The following NEO1 variants were observed in gnomAD, a reference collection of about 807,000 sequenced individuals.
NEO1 encodes the protein neogenin 1.
A neutral mutation model predicts 159.7 loss-of-function variants in NEO1; 63 were observed. The ratio of observed to expected loss-of-function variants is 0.39; its 90% confidence interval spans 0.32 to 0.49. The LOEUF is 0.49. NEO1 is among the 20% of genes least tolerant of loss of function. NEO1 has a pLI of 0.85. For missense variants in NEO1, 1,615 were observed against 1,831.0 expected (o/e 0.88, Z 2.15); for synonymous variants, 633 against 662.0 (o/e 0.96, Z 0.67).
Position 73,302,865 on chromosome 15 carries a change from C to G in NEO1, c.*169C>G. The G allele has an allele frequency of 1.7e-6, 1 of 589,280 alleles. No homozygotes were observed. The highest frequency in any genetic ancestry group is 3.0e-6 in the Non-Finnish European group (1 of 331,672). 36.5% of individuals were successfully genotyped at this position (589,280 alleles called of 1,614,324 possible). On this transcript the variant is annotated 3_prime_UTR_variant, in exon 29 of 29. Transcript: ENST00000261908. ...GGCTGGCTCCAGGCATGGCCACCTG[C>G]CTTCCCCTGGTCAGCCTGGAAGAAG...
At chr15:73,132,610 G>A (rs2031270697) in intron 4 of NEO1, among the ~76,000 whole-genome samples, 3 of 152,224 alleles carry the variant, frequency 2.0e-5, no homozygotes, top group Middle Eastern at 3.4e-3. Flanking sequence ...CCCAGAGCTC[G>A]GGAGAAAAGC....
At position 73,136,032 on chromosome 15, in the gene NEO1, G is replaced by A. The variant is rs369404550; in HGVS notation, c.1015+5G>A. Reference sequence around the variant, plus strand: ...AAGCAGAGCTTACAGTGCAAGGTATGTAAATATTTACTGTATAATTTAAAA... The same window carrying A: ...AAGCAGAGCTTACAGTGCAAGGTATATAAATATTTACTGTATAATTTAAAA... On this transcript the variant is annotated splice_donor_5th_base_variant and intron_variant, in intron 5 of 28. Coordinates refer to ENST00000261908, the MANE Select transcript of NEO1 (RefSeq NM_002499.4). 1.8e-5 allele frequency: 28 copies of A among 1,589,448 alleles called. No homozygotes were observed. Among genetic ancestry groups the A allele is most frequent in the Non-Finnish European group, 8.5e-7 (1 of 1,172,578 alleles).
At chr15:73,097,747 C>G (rs1192861042) in intron 1 of NEO1, among the ~76,000 whole-genome samples, 3 of 130,354 alleles carry the variant, frequency 2.3e-5, no homozygotes, top group African/African-American at 9.1e-5. Context: ...ATATTCATCT[C>G]ATTTTCTAAT....
intron 25 of NEO1, among the ~76,000 whole-genome samples, chr15:73,289,872 C>A (rs2042094672): frequency 6.6e-6 from 1 of 152,124 alleles, no homozygotes; most frequent in Non-Finnish European, 1.5e-5. Flanking sequence ...ATCACTTGAA[C>A]CTGGGAAGCA....
intron 5 of NEO1, among the ~76,000 whole-genome samples, chr15:73,147,570 A>G (rs1260134054): frequency 1.3e-5 from 2 of 152,096 alleles, no homozygotes; most frequent in African/African-American, 4.8e-5. Context: ...TTCATTCTTT[A>G]TTTAAAGAGC....
upstream of NEO1, among the ~76,000 whole-genome samples, chr15:73,052,310 C>T (rs1163657923): frequency 1.4e-5 from 2 of 145,134 alleles, no homozygotes; most frequent in Non-Finnish European, 3.1e-5. Flanking sequence ...CCCGCCCCCG[C>T]CCCCGCCCCC....
In NEO1 at chr15:73,141,931, G is replaced by A. The variant is rs1567298845; in HGVS notation, c.1015+5904G>A. Among the ~76,000 whole-genome samples the A allele has an allele frequency of 2.6e-5, 4 of 152,180 alleles. No individual in the cohort carries two copies. The South Asian group carries it at 6.2e-4, about 24-fold the overall frequency. On this transcript the variant is annotated intron_variant, in intron 5 of 28. Transcript: ENST00000261908. ...GTTGGCTTTTTCAGCGTTAACTGGA[G>A]AGGCACCACAGAGGAGTGATTGAGA...
In NEO1 at chr15:73,236,454, C is replaced by T. The variant is rs1370093156; in HGVS notation, c.1399C>T (p.His467Tyr). ...GTGGCGGACACCTGCATCAGATCCTCACGGAGACAACCTTACCTACTCTGT... is the reference window on the plus strand; with the variant it reads ...GTGGCGGACACCTGCATCAGATCCTTACGGAGACAACCTTACCTACTCTGT... ...LTWRTPASDPHGDNLTYSVFY... is the reference protein window; with the variant it reads ...LTWRTPASDPYGDNLTYSVFY... The change falls in exon 8 of 29, where the codon CAC becomes TAC. Residue 467 changes from histidine (H) to tyrosine (Y), a missense_variant. By Grantham distance (83) the His-to-Tyr change is moderately conservative. This residue lies in a region of NEO1 where 1,018 missense variants were observed against 1,115.4 expected (regional missense o/e 0.91). Transcript: ENST00000261908. 1.2e-6 allele frequency: 2 copies of T among 1,614,156 alleles called. No homozygotes were observed. Among genetic ancestry groups the T allele is most frequent in the South Asian group, 1.1e-5 (1 of 91,082 alleles).
chr15:73,301,548 C>G (rs2042614798), intron 28 of NEO1, 91 bp downstream of exon 28: 2 of 1,531,774 alleles, frequency 1.3e-6, no homozygotes, highest in Non-Finnish European at 8.9e-7. Context: ...TCTGTGCATA[C>G]CAGGCCCGCC....
At chr15:73,117,512 T>C (rs551540793) in intron 2 of NEO1, among the ~76,000 whole-genome samples, 2 of 152,306 alleles carry the variant, frequency 1.3e-5, no homozygotes, top group East Asian at 1.9e-4. Context: ...GAGTACCAGA[T>C]GAAATAGTTT....
intron 9 of NEO1, among the ~76,000 whole-genome samples, chr15:73,247,352 CT>C (rs1315904982): frequency 7.9e-5 from 12 of 152,164 alleles, no homozygotes; most frequent in Non-Finnish European, 1.8e-4. Context: ...TCATTAGCAC[CT>C]TTTTTAGGAT....
In NEO1 at chr15:73,218,808, C is replaced by T. The variant is rs542864531; in HGVS notation, c.1292-17539C>T. On this transcript the variant is annotated intron_variant, in intron 7 of 28. Coordinates refer to ENST00000261908, the MANE Select transcript of NEO1 (RefSeq NM_002499.4). ...CATTTTTTATTGTGTCTATTTGATT[C>T]TTCTCTCTTTTTTTATTAGTCTTGC... Among the ~76,000 whole-genome samples the T allele has an allele frequency of 1.3e-4, 20 of 151,738 alleles. No individual in the cohort carries two copies. In the East Asian group the frequency reaches 3.5e-3, roughly 26 times the overall value.
chr15:73,157,351 C>G (rs2033856376), intron 5 of NEO1, among the ~76,000 whole-genome samples: 1 of 152,224 alleles, frequency 6.6e-6, no homozygotes, highest in Non-Finnish European at 1.5e-5. Flanking sequence ...CCATCCACAG[C>G]TTGTTAAGAG....
intron 1 of NEO1, among the ~76,000 whole-genome samples, chr15:73,067,797 T>A (rs1207111825): frequency 6.6e-6 from 1 of 152,132 alleles, no homozygotes; most frequent in Admixed American, 6.5e-5. Flanking sequence ...TTTGTATTTT[T>A]AGTAGAGACG....
At chr15:73,291,517 A>G (rs2042163720) in intron 25 of NEO1, among the ~76,000 whole-genome samples, 1 of 152,192 alleles carries the variant, frequency 6.6e-6, no homozygotes, top group South Asian at 2.1e-4. Flanking sequence ...ACTGTTTTTA[A>G]AACCCGCATG....
intron 5 of NEO1, among the ~76,000 whole-genome samples, chr15:73,148,030 C>G (rs2033067422): frequency 6.6e-6 from 1 of 152,096 alleles, no homozygotes; most frequent in African/African-American, 2.4e-5. Flanking sequence ...CCAGGCTGTT[C>G]TTGAATTCCT....
chr15:73,098,529 G>A (rs796507788), intron 1 of NEO1, among the ~76,000 whole-genome samples: 9 of 152,066 alleles, frequency 5.9e-5, no homozygotes, highest in African/African-American at 2.2e-4. Flanking sequence ...AAACTTACTT[G>A]TTTTCACTTA....
intron 9 of NEO1, 34 bp downstream of exon 9, chr15:73,244,532 G>GA (rs2039654440): frequency 6.2e-7 from 1 of 1,603,218 alleles, no homozygotes; most frequent in African/African-American, 1.3e-5. Flanking sequence ...GCACCCCCTA[G>GA]AGGTAGACCT....
At chr15:73,145,643 T>C (rs1474719718) in intron 5 of NEO1, among the ~76,000 whole-genome samples, 1 of 152,076 alleles carries the variant, frequency 6.6e-6, no homozygotes, top group Non-Finnish European at 1.5e-5. Flanking sequence ...AGAAAATACT[T>C]TGGGTATATT....
Sources: gnomAD v4.1 joint callset for allele counts (sites outside exome capture counted in the v4.1 genomes callset) on GRCh38, gnomAD v4.1.1 for gene constraint, gnomAD v4.1.1 regional missense constraint, MANE v1.5 for transcripts, NCBI Gene and HGNC (gene_info 2026-07-23, HGNC 2026-07-21) for gene names.